The following VTI1A variants were observed in gnomAD, a reference collection of about 807,000 sequenced individuals.
VTI1A encodes the protein vesicle transport through interaction with t-SNAREs 1A, also known as vesicle transport through interaction with t-SNAREs homolog 1A.
A neutral mutation model predicts 34.9 loss-of-function variants in VTI1A; 22 were observed. The observed-to-expected ratio is 0.63, with a 90% CI of 0.45 to 0.90. The LOEUF (loss-of-function observed/expected upper bound fraction) is 0.90, where lower values mean the gene tolerates loss of function less well. VTI1A is among the 40% of genes least tolerant of loss of function. VTI1A has a pLI of 0.00. For synonymous variants in VTI1A, 87 were observed against 97.3 expected (o/e 0.89, Z 0.62); for missense variants, 268 against 275.6 (o/e 0.97, Z 0.20).
At chr10:112,722,121 C>G (rs1849830100) in intron 7 of VTI1A, among the ~76,000 whole-genome samples, 2 of 152,174 alleles carry the variant, frequency 1.3e-5, no homozygotes, top group South Asian at 4.1e-4. Context: ...ACAGGGTTTT[C>G]TCTTTAAAAG....
At chr10:112,550,211 C>T (rs1851296099) in intron 5 of VTI1A, among the ~76,000 whole-genome samples, 1 of 152,204 alleles carries the variant, frequency 6.6e-6, no homozygotes, top group Non-Finnish European at 1.5e-5. Flanking sequence ...AAGACTACAG[C>T]AGATTGTGAA....
chr10:112,610,048 G>C (rs981191163), intron 5 of VTI1A, among the ~76,000 whole-genome samples: 3 of 151,566 alleles, frequency 2.0e-5, no homozygotes, highest in Admixed American at 6.6e-5. Context: ...TAGGAAAAGA[G>C]AAACAGTGTG....
intron 2 of VTI1A, among the ~76,000 whole-genome samples, chr10:112,463,590 T>C (rs545096674): frequency 2.6e-5 from 4 of 152,268 alleles, no homozygotes; most frequent in Non-Finnish European, 4.4e-5. Context: ...TAAACTCTTC[T>C]GTGTTGTATC....
chr10:112,737,571 G>A, intron 7 of VTI1A: 2 of 1,048,370 alleles, frequency 1.9e-6, no homozygotes, highest in Non-Finnish European at 2.3e-6. Flanking sequence ...CCAGGGGGCG[G>A]CAGGGACAGC....
At chr10:112,611,402 A>G (rs1845303476) in intron 5 of VTI1A, among the ~76,000 whole-genome samples, 1 of 152,194 alleles carries the variant, frequency 6.6e-6, no homozygotes, top group Non-Finnish European at 1.5e-5. Flanking sequence ...TTGATTGTCC[A>G]TGCTTCCAAT....
intron 7 of VTI1A, among the ~76,000 whole-genome samples, chr10:112,719,589 C>A (rs112709328): frequency 6.6e-6 from 1 of 151,810 alleles, no homozygotes; most frequent in African/African-American, 2.4e-5. Flanking sequence ...TCTTGTTGCC[C>A]AGGCTGCAGT....
At position 112,651,531 on chromosome 10, in the gene VTI1A, G is replaced by A. The variant is rs760625246; in HGVS notation, c.428-16687G>A. The stretch of plus-strand genomic sequence containing the variant: ...TCACCATGGTGGCCAGGATGGTCTC[G>A]ATCTCTTGACCTTGTGATCCGCCTG... On this transcript the variant is annotated intron_variant, in intron 5 of 7. Coordinates refer to ENST00000393077, the MANE Select transcript of VTI1A (RefSeq NM_145206.4). Among the ~76,000 whole-genome samples the A allele has an allele frequency of 2.0e-5, 3 of 152,026 alleles. No homozygotes were observed. The East Asian group carries it at 5.8e-4, about 29-fold the overall frequency.
the VTI1A span, among the ~76,000 whole-genome samples, chr10:112,838,934 C>T: frequency 2.0e-5 from 3 of 152,334 alleles, no homozygotes; most frequent in East Asian, 5.8e-4. Context: ...TTGACCAGAT[C>T]CAGTCAGTCC....
intron 7 of VTI1A, among the ~76,000 whole-genome samples, chr10:112,704,115 C>G (rs1849109594): frequency 6.6e-6 from 1 of 152,144 alleles, no homozygotes; most frequent in Non-Finnish European, 1.5e-5. Context: ...TAACTAATCA[C>G]TCATTAGGAA....
chr10:112,627,325 A>G (rs1472812322), intron 5 of VTI1A, among the ~76,000 whole-genome samples: 1 of 152,194 alleles, frequency 6.6e-6, no homozygotes, highest in East Asian at 1.9e-4. Context: ...GTTGAAAACT[A>G]GAGATACCTA....
chr10:112,646,301 CT>C (rs1349634772), intron 5 of VTI1A, among the ~76,000 whole-genome samples: 1 of 152,038 alleles, frequency 6.6e-6, no homozygotes, highest in Admixed American at 6.6e-5. Flanking sequence ...TCCATAGGTT[CT>C]TACCTTTGTC....
chr10:112,537,311 G>GTATATATATATATACATATATA, intron 4 of VTI1A, among the ~76,000 whole-genome samples: 1 of 65,276 alleles, frequency 1.5e-5, no homozygotes, highest in African/African-American at 4.5e-5. Flanking sequence ...AAGTATCTAG[G>GTATATATATATATACATATATA]TATATATATA....
chr10:112,498,950 T>C (rs911583168), intron 3 of VTI1A, among the ~76,000 whole-genome samples: 4 of 152,188 alleles, frequency 2.6e-5, no homozygotes, highest in African/African-American at 9.6e-5. Flanking sequence ...TAGAGTTTTA[T>C]CTAAACAGAA....
chr10:112,502,515 G>A (rs1345413062), intron 3 of VTI1A, among the ~76,000 whole-genome samples: 1 of 152,158 alleles, frequency 6.6e-6, no homozygotes, highest in Admixed American at 6.5e-5. Context: ...GATAAATACA[G>A]TATATTAGAA....
chr10:112,682,965 G>A lies in VTI1A; in HGVS notation c.560+13967G>A, dbSNP rs768079422. Among the ~76,000 whole-genome samples the A allele has an allele frequency of 2.6e-5, 4 of 152,186 alleles. 1 individual carries two copies. Among genetic ancestry groups the A allele is most frequent in the South Asian group, 4.1e-4 (2 of 4,822 alleles). On this transcript the variant is annotated intron_variant, in intron 7 of 7. Coordinates refer to ENST00000393077, the MANE Select transcript of VTI1A (RefSeq NM_145206.4). ...TAAAAAGTTCCTCTTCCCTCTGCCC[G>A]CAGGAAAATTAGAATTAACTACAGC...
At chr10:112,773,355 C>T (rs1851868689) in intron 7 of VTI1A, among the ~76,000 whole-genome samples, 1 of 152,190 alleles carries the variant, frequency 6.6e-6, no homozygotes, top group African/African-American at 2.4e-5. Context: ...ACACTTATCA[C>T]ACTCCTCTTC....
intron 5 of VTI1A, among the ~76,000 whole-genome samples, chr10:112,643,063 C>T (rs538636735): frequency 6.8e-6 from 1 of 147,788 alleles, no homozygotes; most frequent in South Asian, 2.1e-4. Flanking sequence ...AGGCTCACTG[C>T]AACCTCTGCC....
In VTI1A at chr10:112,447,424, A is replaced by G. The variant is rs1328575760; in HGVS notation, c.51A>G (p.Ala17=). 1 of 1,613,732 alleles carries G rather than the reference A, an allele frequency of 6.2e-7. No homozygotes were observed. The highest frequency in any genetic ancestry group is 2.2e-5 in the East Asian group (1 of 44,884). Residue 17 remains alanine (A), a synonymous_variant, in exon 1 of 8, where the codon GCA becomes GCG. Transcript: ENST00000393077. ...GYEQDFAVLT[A]EITSKIARVP... The stretch of plus-strand genomic sequence containing the variant: ...AGCAGGACTTCGCGGTGCTCACTGC[A>G]GAGATCACCAGCAAGATTGCGAGGG...
chr10:112,473,256 G>A (rs915667207), intron 3 of VTI1A, among the ~76,000 whole-genome samples: 5 of 151,880 alleles, frequency 3.3e-5, no homozygotes, highest in South Asian at 2.1e-4. Flanking sequence ...CTACCGGAGC[G>A]CGCCACCATG....
Sources: gnomAD v4.1 joint callset for allele counts (sites outside exome capture counted in the v4.1 genomes callset) on GRCh38, gnomAD v4.1.1 for gene constraint, MANE v1.5 for transcripts, NCBI Gene and HGNC (gene_info 2026-07-23, HGNC 2026-07-21) for gene names.